NRXN1: variants seen among roughly 807,000 people sequenced by gnomAD.
The protein encoded by NRXN1 is neurexin-1.
Under a neutral mutation model 150.9 loss-of-function variants are expected in NRXN1, and 39 were observed. The observed-to-expected ratio is 0.26, with a 90% CI of 0.20 to 0.34. NRXN1 has a LOEUF of 0.34. Among genes scored for constraint, NRXN1 ranks in the 10% least tolerant of loss-of-function variants. The pLI is 1.00. For synonymous variants in NRXN1, 924 were observed against 757.0 expected (o/e 1.22, Z -3.62); for missense variants, 1,815 against 1,949.9 (o/e 0.93, Z 1.30).
chr2:50,583,732 A>G (rs2103690497), intron 8 of NRXN1, among the ~76,000 whole-genome samples: 1 of 152,268 alleles, frequency 6.6e-6, no homozygotes, highest in East Asian at 1.9e-4. Flanking sequence ...CCTTCTCCCA[A>G]TCTAGAATTT....
intron 5 of NRXN1, among the ~76,000 whole-genome samples, chr2:50,908,787 TG>T (rs1480979020): frequency 6.6e-6 from 1 of 151,956 alleles, no homozygotes; most frequent in Admixed American, 6.6e-5. Flanking sequence ...GTCATCAGTA[TG>T]GAGCCCCCTT....
At chr2:50,776,840 C>T (rs1703709249) in intron 5 of NRXN1, among the ~76,000 whole-genome samples, 1 of 152,000 alleles carries the variant, frequency 6.6e-6, no homozygotes, top group Non-Finnish European at 1.5e-5. Context: ...CCTGCCACAT[C>T]ACACTGTCAA....
intron 5 of NRXN1, among the ~76,000 whole-genome samples, chr2:50,779,155 C>G (rs1449701002): frequency 2.0e-5 from 3 of 152,238 alleles, no homozygotes; most frequent in Non-Finnish European, 4.4e-5. Flanking sequence ...GGTATTTCTC[C>G]TAATGGTATC....
intron 15 of NRXN1, among the ~76,000 whole-genome samples, chr2:50,495,574 T>C (rs1276330091): frequency 6.6e-6 from 1 of 152,118 alleles, no homozygotes; most frequent in Non-Finnish European, 1.5e-5. Context: ...GTTCCCTGAC[T>C]CCAAATCAAT....
At chr2:50,937,323 T>C (rs1340351818) in intron 2 of NRXN1, among the ~76,000 whole-genome samples, 1 of 152,190 alleles carries the variant, frequency 6.6e-6, no homozygotes, top group African/African-American at 2.4e-5. Context: ...ACAGTATGTA[T>C]ATGTAGAATT....
At chr2:49,945,489 C>G (rs1672731353) in intron 21 of NRXN1, among the ~76,000 whole-genome samples, 1 of 151,604 alleles carries the variant, frequency 6.6e-6, no homozygotes, top group Non-Finnish European at 1.5e-5. Flanking sequence ...CTGCACCCAT[C>G]AACCTGTCAT....
At chr2:50,609,972 G>A (rs1677760043) in intron 8 of NRXN1, among the ~76,000 whole-genome samples, 1 of 151,986 alleles carries the variant, frequency 6.6e-6, no homozygotes, top group African/African-American at 2.4e-5. Context: ...AAAATCACAT[G>A]CTTCGGAATA....
At chr2:50,902,580 T>C (rs771229491) in intron 5 of NRXN1, among the ~76,000 whole-genome samples, 4 of 152,166 alleles carry the variant, frequency 2.6e-5, no homozygotes, top group Non-Finnish European at 5.9e-5. Context: ...TGAGAAACAG[T>C]ACATCTCCTG....
chr2:50,811,249 T>C (rs1223729407), intron 5 of NRXN1, among the ~76,000 whole-genome samples: 1 of 152,174 alleles, frequency 6.6e-6, no homozygotes, highest in Non-Finnish European at 1.5e-5. Flanking sequence ...GTTTACAATT[T>C]CTAAGAACTT....
chr2:50,588,480 C>T (rs910597639), intron 8 of NRXN1, among the ~76,000 whole-genome samples: 36 of 152,056 alleles, frequency 2.4e-4, no homozygotes, highest in Non-Finnish European at 4.4e-5. Context: ...CTAACAGGAA[C>T]TCTAGAGTGC....
intron 17 of NRXN1, among the ~76,000 whole-genome samples, chr2:50,289,879 A>T: frequency 6.6e-6 from 1 of 152,276 alleles, no homozygotes; most frequent in East Asian, 1.9e-4. Context: ...AAATTCATTA[A>T]TTTTTTAAAA....
At chr2:50,668,509 G>T (rs1484577229) in intron 5 of NRXN1, among the ~76,000 whole-genome samples, 1 of 151,974 alleles carries the variant, frequency 6.6e-6, no homozygotes, top group Admixed American at 6.6e-5. Flanking sequence ...GATTTAAGAA[G>T]AAATACTGCT....
At chr2:50,653,464 T>C (rs1463132485) in intron 5 of NRXN1, among the ~76,000 whole-genome samples, 1 of 152,076 alleles carries the variant, frequency 6.6e-6, no homozygotes, top group Non-Finnish European at 1.5e-5. Context: ...GAGTATATAC[T>C]TCTAGTTTAG....
Position 50,541,799 on chromosome 2 carries a change from A to G in NRXN1, c.1760-3163T>C, listed in dbSNP as rs190242505. 1.7e-4 allele frequency among the ~76,000 whole-genome samples: 26 copies of G among 152,044 alleles called. 2 individuals carry two copies. In the East Asian group the frequency reaches 4.9e-3, roughly 28 times the overall value. On this transcript the variant is annotated intron_variant, in intron 9 of 22. Transcript: ENST00000401669. ...GAAGCACTTTGATATTTTCTCTCTC[A>G]TCATATCATTTTATTAAAACAAATG...
intron 17 of NRXN1, among the ~76,000 whole-genome samples, chr2:50,287,531 T>C (rs1180783975): frequency 6.6e-6 from 1 of 152,162 alleles, no homozygotes; most frequent in Non-Finnish European, 1.5e-5. Context: ...TTAGCAAGTC[T>C]TATTTCCCTA....
chr2:50,566,794 G>A (rs888821423), intron 8 of NRXN1, among the ~76,000 whole-genome samples: 7 of 152,230 alleles, frequency 4.6e-5, no homozygotes, highest in African/African-American at 1.2e-4. Context: ...TCACAGATGC[G>A]ATTCTAGTGC....
intron 5 of NRXN1, among the ~76,000 whole-genome samples, chr2:50,756,064 ACT>A (rs1298240042): frequency 6.6e-5 from 10 of 151,788 alleles, no homozygotes; most frequent in Non-Finnish European, 1.2e-4. Context: ...TCATAAAGAG[ACT>A]CTGAGCAGAA....
intron 18 of NRXN1, among the ~76,000 whole-genome samples, chr2:50,099,866 G>A (rs977945729): frequency 3.9e-5 from 6 of 152,122 alleles, no homozygotes; most frequent in Non-Finnish European, 1.5e-5. Context: ...GTGCTCAACT[G>A]TAAGATAAGT....
chr2:49,964,517 T>A (rs1004870955), intron 21 of NRXN1, among the ~76,000 whole-genome samples: 1 of 150,430 alleles, frequency 6.6e-6, no homozygotes, highest in Non-Finnish European at 1.5e-5. Context: ...GAGGTGGAGG[T>A]TGCGGTGAGC....
Sources: gnomAD v4.1 joint callset for allele counts (sites outside exome capture counted in the v4.1 genomes callset) on GRCh38, gnomAD v4.1.1 for gene constraint, MANE v1.5 for transcripts, NCBI Gene and HGNC (gene_info 2026-07-23, HGNC 2026-07-21) for gene names.